FEZ1: variants seen among roughly 807,000 people sequenced by gnomAD.
FEZ1 encodes the protein fasciculation and elongation protein zeta 1, also known as fasciculation and elongation protein zeta-1.
FEZ1 carries 20 observed loss-of-function variants against 49.3 expected under a neutral mutation model. The observed-to-expected ratio is 0.41, with a 90% CI of 0.29 to 0.59. The LOEUF (loss-of-function observed/expected upper bound fraction) is 0.59, where lower values mean the gene tolerates loss of function less well. Among genes scored for constraint, FEZ1 ranks in the 20% least tolerant of loss-of-function variants. FEZ1 has a pLI of 0.36. For missense variants in FEZ1, 413 were observed against 476.0 expected (o/e 0.87, Z 1.23); for synonymous variants, 170 against 180.9 (o/e 0.94, Z 0.48).
chr11:125,463,509 T>G lies in FEZ1; in HGVS notation c.473A>C (p.Glu158Ala), dbSNP rs1957094570. The G allele has an allele frequency of 1.9e-6, 3 of 1,609,098 alleles. No homozygotes were observed. The highest frequency in any genetic ancestry group is 2.6e-6 in the Non-Finnish European group (3 of 1,175,454). The change falls in exon 4 of 10, where the codon GAG (glutamate) becomes GCG (alanine). Residue 158 changes from glutamate (E) to alanine (A), a missense_variant. Physicochemically the swap from Glu to Ala is moderately radical, Grantham distance 107 (BLOSUM62 -1). Coordinates refer to ENST00000278919, the MANE Select transcript of FEZ1 (RefSeq NM_005103.5). ...EKSENDSGIN[E>A]EPLLTADQVI... ...CTGATCTGCTGTGAGCAGAGGCTCC[T>G]CGTTGATACCGGAATCATTTTCACT... is the stretch of plus-strand genomic sequence containing the variant.
At chr11:125,457,459 TACAC>T (rs1370507112) in intron 5 of FEZ1, among the ~76,000 whole-genome samples, 4,678 of 76,670 alleles carry the variant, frequency 0.061, 244 homozygotes, top group Non-Finnish European at 0.089. Flanking sequence ...TATGTATATA[TACAC>T]ATATATATGT....
Position 125,444,314 on chromosome 11 carries a change from G to A in FEZ1, c.*1781C>T, listed in dbSNP as rs750836935. On this transcript the variant is annotated 3_prime_UTR_variant, in exon 10 of 10. Transcript: ENST00000278919. The stretch of plus-strand genomic sequence containing the variant: ...GAAAAGCAGAAGCCGAGCTAGGCGC[G>A]GTGACTCACGCCTATAATCCCAGCA... 8.5e-5 allele frequency among the ~76,000 whole-genome samples: 13 copies of A among 152,160 alleles called. No individual in the cohort carries two copies. The highest frequency in any genetic ancestry group is 2.4e-4 in the African/African-American group (10 of 41,444).
At chr11:125,493,414 GAAAGAAA>G in intron 1 of FEZ1, among the ~76,000 whole-genome samples, 1 of 71,592 alleles carries the variant, frequency 1.4e-5, no homozygotes, top group East Asian at 3.7e-4. Flanking sequence ...AAGAAAGAAA[GAAAGAAA>G]GAAGGAAAGA....
chr11:125,449,036 A>T (rs1253092550), intron 8 of FEZ1, among the ~76,000 whole-genome samples: 1 of 151,888 alleles, frequency 6.6e-6, no homozygotes. Flanking sequence ...CCTACTGGTG[A>T]CTTTCTTTTC....
At chr11:125,468,715 G>A (rs924344612) in intron 3 of FEZ1, among the ~76,000 whole-genome samples, 1 of 152,138 alleles carries the variant, frequency 6.6e-6, no homozygotes, top group Non-Finnish European at 1.5e-5. Flanking sequence ...GGCTCAGCAG[G>A]GTTAAACTTG....
At chr11:125,472,188 T>C (rs1957190078) in intron 3 of FEZ1, among the ~76,000 whole-genome samples, 1 of 151,572 alleles carries the variant, frequency 6.6e-6, no homozygotes, top group Non-Finnish European at 1.5e-5. Flanking sequence ...CTTAAGAAGC[T>C]AAAAAAATGA....
intron 4 of FEZ1, 172 bp downstream of exon 4, chr11:125,463,312 A>G: frequency 6.4e-6 from 3 of 465,212 alleles, no homozygotes; most frequent in East Asian, 4.0e-5. Flanking sequence ...TCTCAAAAGT[A>G]TATATATATA....
chr11:125,489,181 C>T lies in FEZ1; in HGVS notation c.311+286G>A. ...TGGATTTCCACTGATATAAAGAAAGCTTAAGATAGACAGACCCTGAAATTT... is the reference window on the plus strand; with the variant it reads ...TGGATTTCCACTGATATAAAGAAAGTTTAAGATAGACAGACCCTGAAATTT... On this transcript the variant is annotated intron_variant, in intron 2 of 9. Transcript: ENST00000278919. This position sits in a 1 kb window ranked among gnomAD's most constrained non-coding sequence, Gnocchi z 4.2. 9.2e-7 allele frequency: 1 copy of T among 1,084,886 alleles called. No homozygotes were observed. The highest frequency in any genetic ancestry group is 1.1e-6 in the Non-Finnish European group (1 of 895,898). The allele number at this position is 1,084,886 out of a possible 1,614,324, so 67.2% of individuals were successfully genotyped here. A position where few individuals can be genotyped will look rare whatever the true frequency, so the allele number is the denominator to read the frequency against.
rs1006539274 is a variant in FEZ1, at chr11:125,445,124, A to G, written c.*971T>C. The stretch of plus-strand genomic sequence containing the variant: ...CAAGGCTGGCAGCTGCCTGCCATCA[A>G]TGCTGGAGACAGTGCGAGGAGTCAG... On this transcript the variant is annotated 3_prime_UTR_variant, in exon 10 of 10. Transcript: ENST00000278919. The surrounding 1 kb of genome is among the most constrained non-coding windows in gnomAD (Gnocchi z 4.4). 7.2e-5 allele frequency among the ~76,000 whole-genome samples: 11 copies of G among 152,202 alleles called. No individual in the cohort carries two copies. Among genetic ancestry groups the G allele is most frequent in the Admixed American group, 2.0e-4 (3 of 15,280 alleles).
chr11:125,452,468 A>G, intron 7 of FEZ1, 59 bp from the exon 8 acceptor site: 1 of 1,128,358 alleles, frequency 8.9e-7, no homozygotes, highest in Non-Finnish European at 1.3e-6. Context: ...CTCTGGGTTG[A>G]GATTTAGCCT....
chr11:125,458,451 C>G (rs1157902894), intron 5 of FEZ1, among the ~76,000 whole-genome samples: 2 of 152,200 alleles, frequency 1.3e-5, no homozygotes, highest in Admixed American at 6.5e-5. Context: ...AGAGGATGGC[C>G]TCTGGAGTTA....
chr11:125,456,010 G>A lies in FEZ1; in HGVS notation c.764C>T (p.Ala255Val), dbSNP rs758399243. Residue 255 changes from alanine to valine, a missense_variant, in exon 6 of 10, where the codon GCC becomes GTC. Physicochemically the swap from Ala to Val is moderately conservative, Grantham distance 64. Coordinates refer to ENST00000278919, the MANE Select transcript of FEZ1 (RefSeq NM_005103.5). ...CTCAAACTCCAGCTCGTCCCGGCGG[G>A]CCAGCTGCTGCACCAGCTCCTCCGA... ...DFSEELVQQL[A>V]RRDELEFEKE... 7 of 1,613,138 alleles carry A rather than the reference G, an allele frequency of 4.3e-6. No homozygotes were observed. Among genetic ancestry groups the A allele is most frequent in the Non-Finnish European group, 5.9e-6 (7 of 1,179,958 alleles).
rs1018177734 is a variant in FEZ1 at position 125,445,934 on chromosome 11, A to G, written c.*161T>C. 54 of 745,208 alleles carry G rather than the reference A, an allele frequency of 7.2e-5. No individual in the cohort carries two copies. Among genetic ancestry groups the G allele is most frequent in the Non-Finnish European group, 1.2e-4 (48 of 407,666 alleles). The allele number at this position is 745,208 out of a possible 1,614,324, so 46.2% of individuals were successfully genotyped here. ...GCATCCAATGATTACTAGCACTAGA[A>G]GCCAACGGCAAAGGACCCCGCGCGC... is the stretch of plus-strand genomic sequence containing the variant. On this transcript the variant is annotated 3_prime_UTR_variant, in exon 10 of 10. Transcript: ENST00000278919. The surrounding 1 kb of genome is among the most constrained non-coding windows in gnomAD (Gnocchi z 4.4).
intron 3 of FEZ1, among the ~76,000 whole-genome samples, chr11:125,478,054 A>G (rs936070039): frequency 2.0e-5 from 3 of 152,264 alleles, no homozygotes; most frequent in African/African-American, 7.2e-5. Flanking sequence ...CACTCTTTGC[A>G]GTCACAATTC....
At chr11:125,490,541 C>G (rs1957371564) in intron 1 of FEZ1, among the ~76,000 whole-genome samples, 1 of 152,034 alleles carries the variant, frequency 6.6e-6, no homozygotes, top group African/African-American at 2.4e-5. Context: ...ATATTACTAC[C>G]CTTATCAATA....
At position 125,495,835 on chromosome 11, in the gene FEZ1, C is replaced by CACACACACA. The variant is rs1565308751; in HGVS notation, c.-46+285_-46+286insTGTGTGTGT. ...ACACACACACACACACACACACACA[C>CACACACACA]CAGGCCTGGCTGGAGGGCCGATGCT... On this transcript the variant is annotated intron_variant, in intron 1 of 9. Transcript: ENST00000278919. This position sits in a 1 kb window ranked among gnomAD's most constrained non-coding sequence, Gnocchi z 4.2. The CACACACACA allele has an allele frequency of 1.6e-5, 5 of 307,164 alleles. No individual in the cohort carries two copies. Among genetic ancestry groups the CACACACACA allele is most frequent in the African/African-American group, 6.9e-5 (3 of 43,704 alleles). 19.0% of individuals were successfully genotyped at this position (307,164 alleles called of 1,614,324 possible). A position where few individuals can be genotyped will look rare whatever the true frequency, so the allele number is the denominator to read the frequency against.
At chr11:125,463,712 G>C in intron 3 of FEZ1, 142 bp from the exon 4 acceptor site, 2 of 626,600 alleles carry the variant, frequency 3.2e-6, no homozygotes, top group South Asian at 3.7e-5. Context: ...GAGGTGTCCA[G>C]AGTTTCATCC....
At chr11:125,473,831 A>C (rs545605712) in intron 3 of FEZ1, among the ~76,000 whole-genome samples, 1 of 152,020 alleles carries the variant, frequency 6.6e-6, no homozygotes, top group Admixed American at 6.6e-5. Flanking sequence ...AAAAAAAAAA[A>C]AAAACAGAAA....
intron 3 of FEZ1, among the ~76,000 whole-genome samples, chr11:125,477,846 G>A (rs1026027107): frequency 1.5e-5 from 2 of 129,574 alleles, no homozygotes; most frequent in Admixed American, 7.7e-5. Context: ...TATAAAAGTG[G>A]AGCTTTATGC....
Sources: gnomAD v4.1 joint callset for allele counts (sites outside exome capture counted in the v4.1 genomes callset) on GRCh38, gnomAD v4.1.1 for gene constraint, Gnocchi (gnomAD v3.1) non-coding constraint, MANE v1.5 for transcripts, NCBI Gene and HGNC (gene_info 2026-07-23, HGNC 2026-07-21) for gene names.